CYSLTR2: variants seen among roughly 807,000 people sequenced by gnomAD.
CYSLTR2 encodes cysteinyl leukotriene receptor 2, also known as G-protein coupled receptor GPCR21.
For synonymous variants in CYSLTR2, 179 were observed against 160.8 expected (o/e 1.11, Z -0.86); for missense variants, 398 against 411.9 (o/e 0.97, Z 0.29).
chr13:48,673,194 T>C (rs1351480498), intron 1 of CYSLTR2, among the ~76,000 whole-genome samples: 1 of 152,138 alleles, frequency 6.6e-6, no homozygotes, highest in African/African-American at 2.4e-5. Flanking sequence ...TTTCTAATAT[T>C]GACAGTGGGG....
Position 48,710,441 on chromosome 13 carries a change from A to G in CYSLTR2, c.*2583A>G, listed in dbSNP as rs1954607300. ...GTATAACAGTGCTTGTGTTAAAGTC[A>G]CTCTTATTTTACTTACTAATGTCCC... On this transcript the variant is annotated 3_prime_UTR_variant, in exon 5 of 5. Coordinates refer to ENST00000682523, the MANE Select transcript of CYSLTR2 (RefSeq NM_001308476.3). 6.6e-6 allele frequency: 1 copy of G among 152,054 alleles called. No individual in the cohort carries two copies. The highest frequency in any genetic ancestry group is 2.1e-4 in the South Asian group (1 of 4,826). 9.4% of individuals were successfully genotyped at this position (152,054 alleles called of 1,614,324 possible).
At chr13:48,697,662 T>C (rs1280598696) in intron 4 of CYSLTR2, among the ~76,000 whole-genome samples, 3 of 152,202 alleles carry the variant, frequency 2.0e-5, no homozygotes, top group Non-Finnish European at 4.4e-5. Flanking sequence ...GGACGGAGAA[T>C]GACTTTGAAG....
At chr13:48,667,977 G>A (rs547397083) in intron 1 of CYSLTR2, among the ~76,000 whole-genome samples, 4 of 152,218 alleles carry the variant, frequency 2.6e-5, no homozygotes, top group African/African-American at 9.6e-5. Flanking sequence ...CAAATCCTAT[G>A]GTTCCATGTC....
chr13:48,693,370 T>C (rs1312582597), intron 2 of CYSLTR2, 68 bp from the exon 3 acceptor site: 1 of 152,126 alleles, frequency 6.6e-6, no homozygotes, highest in Admixed American at 6.5e-5. Context: ...AAGGCTACTA[T>C]GTAAATATAC....
At chr13:48,688,259 C>T (rs750435546) in intron 1 of CYSLTR2, among the ~76,000 whole-genome samples, 6 of 151,944 alleles carry the variant, frequency 3.9e-5, no homozygotes, top group African/African-American at 7.3e-5. Flanking sequence ...TGTCAAGATA[C>T]CTCTTCTTCT....
chr13:48,687,947 T>G (rs999314547), intron 1 of CYSLTR2, among the ~76,000 whole-genome samples: 7 of 152,204 alleles, frequency 4.6e-5, no homozygotes, highest in African/African-American at 1.7e-4. Flanking sequence ...TGGTCGTGGT[T>G]GTGGGGGTGT....
chr13:48,705,996 G>GTTTTTTTTTTTTTTTT (rs368909553), intron 4 of CYSLTR2, among the ~76,000 whole-genome samples: 1 of 128,588 alleles, frequency 7.8e-6, no homozygotes. Context: ...TTGTTTTGTT[G>GTTTTTTTTTTTTTTTT]TTGTTTTTTT....
intron 1 of CYSLTR2, among the ~76,000 whole-genome samples, chr13:48,667,359 A>G (rs1452619358): frequency 2.6e-5 from 4 of 152,174 alleles, no homozygotes; most frequent in African/African-American, 9.7e-5. Flanking sequence ...GGAGTATGTC[A>G]ATGCGGTTGC....
chr13:48,677,078 A>G (rs912550825), intron 1 of CYSLTR2, among the ~76,000 whole-genome samples: 7 of 152,142 alleles, frequency 4.6e-5, no homozygotes, highest in South Asian at 2.1e-4. Context: ...TGGGGGTCAG[A>G]AGGGTGAGCA....
intron 4 of CYSLTR2, among the ~76,000 whole-genome samples, chr13:48,704,373 T>G (rs1435649060): frequency 6.6e-6 from 1 of 152,118 alleles, no homozygotes; most frequent in Non-Finnish European, 1.5e-5. Flanking sequence ...AAAGAAAAAA[T>G]AGCTGGGCAT....
chr13:48,706,398 C>A (rs1954489323), intron 4 of CYSLTR2, among the ~76,000 whole-genome samples: 2 of 152,214 alleles, frequency 1.3e-5, no homozygotes, highest in African/African-American at 2.4e-5. Context: ...TTTTGCTGGA[C>A]ATAGAATACT....
chr13:48,662,070 A>C (rs1335317124), intron 1 of CYSLTR2, among the ~76,000 whole-genome samples: 1 of 151,962 alleles, frequency 6.6e-6, no homozygotes, highest in East Asian at 1.9e-4. Context: ...TTTTTTTACT[A>C]TTCCACATAT....
intron 1 of CYSLTR2, among the ~76,000 whole-genome samples, chr13:48,658,570 C>T (rs1366978225): frequency 6.6e-6 from 1 of 152,090 alleles, no homozygotes; most frequent in African/African-American, 2.4e-5. Flanking sequence ...CAACTGCTGC[C>T]CCTGGAGTAA....
chr13:48,673,084 G>T (rs956965116), intron 1 of CYSLTR2, among the ~76,000 whole-genome samples: 1 of 152,216 alleles, frequency 6.6e-6, no homozygotes, highest in East Asian at 1.9e-4. Flanking sequence ...CTATTCTGTT[G>T]ATTTGGGGTG....
At chr13:48,656,119 G>A (rs13378792) in intron 1 of CYSLTR2, among the ~76,000 whole-genome samples, 9,762 of 152,088 alleles carry the variant, frequency 0.064, 376 homozygotes, top group Middle Eastern at 0.12. Context: ...TCTGGTTGGT[G>A]GTAAAGTTCA....
intron 1 of CYSLTR2, among the ~76,000 whole-genome samples, chr13:48,656,374 T>G (rs2138791716): frequency 6.6e-6 from 1 of 152,320 alleles, no homozygotes; most frequent in East Asian, 1.9e-4. Context: ...ACTCTTCACA[T>G]GTGTTGGGCA....
At chr13:48,701,632 T>C (rs1366379738) in intron 4 of CYSLTR2, among the ~76,000 whole-genome samples, 1 of 152,188 alleles carries the variant, frequency 6.6e-6, no homozygotes. Flanking sequence ...AAAGAAGACA[T>C]TTATGCAACC....
chr13:48,682,179 T>A (rs1953774131), intron 1 of CYSLTR2, among the ~76,000 whole-genome samples: 1 of 152,130 alleles, frequency 6.6e-6, no homozygotes, highest in Non-Finnish European at 1.5e-5. Context: ...GTGACATTAA[T>A]CCCTCTCCAC....
chr13:48,658,847 C>T (rs1035069813), intron 1 of CYSLTR2, among the ~76,000 whole-genome samples: 1 of 151,862 alleles, frequency 6.6e-6, no homozygotes, highest in Non-Finnish European at 1.5e-5. Flanking sequence ...CTATGAAAAG[C>T]CTGGAGATGA....
Sources: gnomAD v4.1 joint callset for allele counts (sites outside exome capture counted in the v4.1 genomes callset) on GRCh38, gnomAD v4.1.1 for gene constraint, MANE v1.5 for transcripts, NCBI Gene and HGNC (gene_info 2026-07-23, HGNC 2026-07-21) for gene names.